The following FILIP1L variants were observed in gnomAD, a reference collection of about 807,000 sequenced individuals.
FILIP1L encodes filamin A interacting protein 1 like.
FILIP1L carries 55 observed loss-of-function variants against 96.6 expected under a neutral mutation model. That is an observed-to-expected ratio of 0.57 (90% CI 0.46 to 0.71). The LOEUF is 0.71. Among genes scored for constraint, FILIP1L ranks in the 30% least tolerant of loss-of-function variants. The pLI is 0.00. For missense variants in FILIP1L, 1,304 were observed against 1,321.2 expected (o/e 0.99, Z 0.20); for synonymous variants, 467 against 473.9 (o/e 0.99, Z 0.19).
intron 1 of FILIP1L, among the ~76,000 whole-genome samples, chr3:100,063,754 A>G (rs553724421): frequency 2.0e-5 from 3 of 152,314 alleles, no homozygotes; most frequent in Admixed American, 6.5e-5. Flanking sequence ...CCTGAATAAA[A>G]TTTCATATCA....
chr3:99,854,335 G>A (rs1395591248), intron 4 of FILIP1L, among the ~76,000 whole-genome samples: 1 of 152,176 alleles, frequency 6.6e-6, no homozygotes, highest in Admixed American at 6.5e-5. Flanking sequence ...AGGTTATCAT[G>A]AACTCTCGGT....
chr3:99,888,604 A>C (rs978243424), intron 4 of FILIP1L, among the ~76,000 whole-genome samples: 2 of 152,172 alleles, frequency 1.3e-5, no homozygotes, highest in African/African-American at 4.8e-5. Flanking sequence ...GAGGCTCTTT[A>C]TGTTTTAGGT....
chr3:100,051,683 A>G (rs1387418282), intron 1 of FILIP1L, among the ~76,000 whole-genome samples: 2 of 151,818 alleles, frequency 1.3e-5, no homozygotes, highest in Non-Finnish European at 2.9e-5. Flanking sequence ...AAAGGACATG[A>G]ACTCATCCTT....
At chr3:99,890,627 A>G (rs1382871947) in intron 4 of FILIP1L, among the ~76,000 whole-genome samples, 3 of 151,870 alleles carry the variant, frequency 2.0e-5, no homozygotes, top group Non-Finnish European at 2.9e-5. Context: ...TCCTTGATCT[A>G]CAGTTGTTAC....
chr3:100,004,432 AACC>A (rs1165389679), intron 1 of FILIP1L, among the ~76,000 whole-genome samples: 2 of 152,318 alleles, frequency 1.3e-5, no homozygotes, highest in African/African-American at 4.8e-5. Flanking sequence ...TTACCACTGA[AACC>A]AAGGGAGGAG....
At chr3:99,964,840 G>T (rs1188463364) in intron 1 of FILIP1L, among the ~76,000 whole-genome samples, 2 of 152,070 alleles carry the variant, frequency 1.3e-5, no homozygotes, top group South Asian at 4.1e-4. Context: ...TATGCTCCCT[G>T]TAACTGTGGA....
chr3:100,038,324 A>G (rs930174938), intron 1 of FILIP1L, among the ~76,000 whole-genome samples: 1 of 152,212 alleles, frequency 6.6e-6, no homozygotes, highest in Non-Finnish European at 1.5e-5. Flanking sequence ...TAATGAGTCT[A>G]TTATTTTGAG....
chr3:100,007,288 A>T (rs1049365276), intron 1 of FILIP1L, among the ~76,000 whole-genome samples: 2 of 152,186 alleles, frequency 1.3e-5, no homozygotes, highest in African/African-American at 2.4e-5. Context: ...TGAGATGAAA[A>T]TATCTTATTT....
intron 1 of FILIP1L, among the ~76,000 whole-genome samples, chr3:100,012,489 C>A (rs1710186202): frequency 6.6e-6 from 1 of 151,912 alleles, no homozygotes; most frequent in Non-Finnish European, 1.5e-5. Flanking sequence ...AATCAAGAGC[C>A]TTAAGGACTA....
intron 1 of FILIP1L, among the ~76,000 whole-genome samples, chr3:99,957,597 C>T (rs902596436): frequency 6.6e-6 from 1 of 151,546 alleles, no homozygotes; most frequent in Non-Finnish European, 1.5e-5. Context: ...CCTCTGGGGC[C>T]TCCTATGAAC....
chr3:99,925,608 G>A (rs1707267365), intron 3 of FILIP1L, among the ~76,000 whole-genome samples: 1 of 152,134 alleles, frequency 6.6e-6, no homozygotes, highest in Non-Finnish European at 1.5e-5. Context: ...ACAAAAGTAG[G>A]GATTCAGAGA....
intron 1 of FILIP1L, among the ~76,000 whole-genome samples, chr3:100,089,960 A>T (rs11711935): frequency 0.4 from 61,443 of 152,008 alleles, 12,719 homozygotes; most frequent in Middle Eastern, 0.5. Flanking sequence ...ACAAAATTGG[A>T]GGGAGGAAAT....
rs1463016088 is a variant in FILIP1L, at chr3:99,850,885, G to T, written c.791C>A (p.Thr264Asn). ...TLQRQKIQEL[T>N]TNAKETHTKL... ...GGTATGTGTTTCCTTTGCATTTGTGGTCAGCTCTTGGATTTTCTGTCTTTG... is the reference window on the plus strand; with the variant it reads ...GGTATGTGTTTCCTTTGCATTTGTGTTCAGCTCTTGGATTTTCTGTCTTTG... Residue 264 changes from threonine to asparagine, a missense_variant, in exon 5 of 6, where the codon ACC becomes AAC. By Grantham distance (65) the Thr-to-Asn change is moderately conservative. Coordinates refer to ENST00000477258, the MANE Select transcript of FILIP1L (RefSeq NM_001387850.1). 1.9e-6 allele frequency: 3 copies of T among 1,614,104 alleles called. No homozygotes were observed. The South Asian group carries it at 3.3e-5, about 18-fold the overall frequency.
intron 1 of FILIP1L, among the ~76,000 whole-genome samples, chr3:99,948,906 G>T (rs1454296413): frequency 6.6e-6 from 1 of 152,164 alleles, no homozygotes; most frequent in Non-Finnish European, 1.5e-5. Flanking sequence ...CACCCTCATT[G>T]TAAACTGCAC....
intron 1 of FILIP1L, among the ~76,000 whole-genome samples, chr3:100,051,025 C>A (rs983509167): frequency 2.0e-5 from 3 of 152,022 alleles, no homozygotes; most frequent in Non-Finnish European, 2.9e-5. Flanking sequence ...CAATCTTATA[C>A]CCACCTTCAA....
In FILIP1L at chr3:99,850,491, C is replaced by T; in HGVS notation, c.1185G>A (p.Gln395=). ...CAAGCCTCTTATTGAGATCTCTGCA[C>T]TGCTCCTCCATTTTTATGAGCTCTT... ...KDEELIKMEE[Q]CRDLNKRLER... is the part of the protein sequence containing the mutation. The change falls in exon 5 of 6, where the codon CAG becomes CAA. Residue 395 remains glutamine, a synonymous_variant. Transcript: ENST00000477258. 4 of 1,613,476 alleles carry T rather than the reference C, an allele frequency of 2.5e-6. No individual in the cohort carries two copies. Among genetic ancestry groups the T allele is most frequent in the Non-Finnish European group, 3.4e-6 (4 of 1,179,888 alleles).
At chr3:100,112,463 C>T (rs1325073912) in intron 1 of FILIP1L, among the ~76,000 whole-genome samples, 1 of 152,126 alleles carries the variant, frequency 6.6e-6, no homozygotes, top group Non-Finnish European at 1.5e-5. Context: ...TTTCCAGTGC[C>T]AGCGCCACTA....
intron 1 of FILIP1L, among the ~76,000 whole-genome samples, chr3:99,988,075 T>A (rs1301788050): frequency 3.3e-5 from 5 of 152,192 alleles, no homozygotes; most frequent in Non-Finnish European, 5.9e-5. Context: ...TGTCAATACA[T>A]ACTTCTTAAG....
intron 1 of FILIP1L, among the ~76,000 whole-genome samples, chr3:99,934,767 A>G (rs941334447): frequency 1.3e-5 from 2 of 152,256 alleles, no homozygotes; most frequent in Non-Finnish European, 2.9e-5. Flanking sequence ...TGGTAGGAGA[A>G]CATAGATCAT....
Sources: gnomAD v4.1 joint callset for allele counts (sites outside exome capture counted in the v4.1 genomes callset) on GRCh38, gnomAD v4.1.1 for gene constraint, MANE v1.5 for transcripts, NCBI Gene and HGNC (gene_info 2026-07-23, HGNC 2026-07-21) for gene names.